The following MCM9 variants were observed in gnomAD, a reference collection of about 807,000 sequenced individuals.
MCM9 encodes minichromosome maintenance 9 homologous recombination repair factor.
Under a neutral mutation model 72.8 loss-of-function variants are expected in MCM9, and 55 were observed. The ratio of observed to expected loss-of-function variants is 0.76; its 90% CI spans 0.61 to 0.95. The LOEUF is 0.95. Ranked by LOEUF, MCM9 falls within the 40% of genes least tolerant of loss-of-function variation. The pLI is 0.00. For synonymous variants in MCM9, 480 were observed against 503.4 expected (o/e 0.95, Z 0.62); for missense variants, 1,279 against 1,377.0 (o/e 0.93, Z 1.13).
chr6:118,872,790 T>A (rs889487185), intron 8 of MCM9, among the ~76,000 whole-genome samples: 5 of 151,948 alleles, frequency 3.3e-5, no homozygotes, highest in African/African-American at 4.8e-5. Context: ...TAATCTAAGT[T>A]CTCATCTTAG....
chr6:118,823,098 C>G (rs1238837616), intron 13 of MCM9, among the ~76,000 whole-genome samples: 1 of 152,100 alleles, frequency 6.6e-6, no homozygotes, highest in African/African-American at 2.4e-5. Context: ...CATCAGCCCC[C>G]TTTCCAGGGG....
intron 8 of MCM9, among the ~76,000 whole-genome samples, chr6:118,865,253 G>A (rs1278538884): frequency 6.6e-6 from 1 of 152,014 alleles, no homozygotes; most frequent in African/African-American, 2.4e-5. Flanking sequence ...GCATTTCAGG[G>A]ACGTCATACC....
Position 118,843,644 on chromosome 6 carries a change from A to ATATATATATATATATATATACGTG in MCM9, c.1325+12726_1325+12727insCACGTATATATATATATATATATA. Among the ~76,000 whole-genome samples, 5 of 43,998 alleles carry ATATATATATATATATATATACGTG rather than the reference A, an allele frequency of 1.1e-4. 1 individual carries two copies. Among genetic ancestry groups the ATATATATATATATATATATACGTG allele is most frequent in the South Asian group, 7.1e-4 (1 of 1,404 alleles). The allele number at this position is 43,998 out of a possible 152,430, so 28.9% of individuals were successfully genotyped here. A position where few individuals can be genotyped will look rare whatever the true frequency, so the allele number is the denominator to read the frequency against. ...AAAAAAACAAAACAAAACAAAACATATATATATATATGTGTATATATATAT... is the reference window on the plus strand; with the variant it reads ...AAAAAAACAAAACAAAACAAAACATATATATATATATATATATATACGTGTATATATATATGTGTATATATATAT... On this transcript the variant is annotated intron_variant, in intron 9 of 13. Transcript: ENST00000619706.
chr6:118,842,859 C>T lies in MCM9; in HGVS notation c.1325+13512G>A, dbSNP rs985184551. On this transcript the variant is annotated intron_variant, in intron 9 of 13. Coordinates refer to ENST00000619706, the MANE Select transcript of MCM9 (RefSeq NM_017696.3). ...AAACTCACGTTGCATCATTTGCTTC[C>T]TGGTTTCATCTTACTTCTATTTCAT... Among the ~76,000 whole-genome samples the T allele has an allele frequency of 4.6e-5, 7 of 152,198 alleles. No homozygotes were observed. In the South Asian group the frequency reaches 1.4e-3, roughly 32 times the overall value.
chr6:118,889,657 C>CA (rs533926904), intron 8 of MCM9, among the ~76,000 whole-genome samples: 190 of 152,164 alleles, frequency 1.2e-3, no homozygotes, highest in Non-Finnish European at 2.4e-3. Flanking sequence ...AAGACACAGA[C>CA]AAAAAACTAG....
Position 118,913,391 on chromosome 6 carries a change from G to A in MCM9, c.934C>T (p.Pro312Ser). 1 of 1,613,870 alleles carries A rather than the reference G, an allele frequency of 6.2e-7. No individual in the cohort carries two copies. Among genetic ancestry groups the A allele is most frequent in the South Asian group, 1.1e-5 (1 of 91,068 alleles). The part of the protein sequence containing the change: ...GRNVILASLC[P>S]QVFGMYLVKL... ...ACTAGATACATTCCAAACACTTGAG[G>A]GCACAAGCTAGCCAATATTACATTC... The change falls in exon 7 of 14, where the codon CCT (proline) becomes TCT (serine). Residue 312 changes from proline (P) to serine (S), a missense_variant. Physicochemically the swap from Pro to Ser is moderately conservative, Grantham distance 74 (BLOSUM62 -1). Coordinates refer to ENST00000619706, the MANE Select transcript of MCM9 (RefSeq NM_017696.3).
chr6:118,837,250 CTT>C (rs1215242605), intron 9 of MCM9, among the ~76,000 whole-genome samples: 1 of 152,146 alleles, frequency 6.6e-6, no homozygotes, highest in Non-Finnish European at 1.5e-5. Context: ...GATTTTCACT[CTT>C]TTGCATTTGC....
intron 9 of MCM9, among the ~76,000 whole-genome samples, chr6:118,842,290 T>C (rs1248637032): frequency 6.6e-6 from 1 of 152,228 alleles, no homozygotes; most frequent in Non-Finnish European, 1.5e-5. Flanking sequence ...AATCTAGTGA[T>C]ACCCTGCTTT....
chr6:118,927,023 AG>A (rs2114414650), intron 3 of MCM9, among the ~76,000 whole-genome samples: 1 of 152,320 alleles, frequency 6.6e-6, no homozygotes, highest in African/African-American at 2.4e-5. Context: ...AAATAGGTAA[AG>A]AAAATTTGCT....
intron 8 of MCM9, among the ~76,000 whole-genome samples, chr6:118,872,305 C>A: frequency 7.5e-6 from 1 of 133,098 alleles, no homozygotes. Context: ...GGCGATGGAG[C>A]AAGACTCCAT....
intron 13 of MCM9, among the ~76,000 whole-genome samples, chr6:118,821,769 G>A (rs1276624162): frequency 6.6e-6 from 1 of 152,004 alleles, no homozygotes; most frequent in Non-Finnish European, 1.5e-5. Flanking sequence ...TCAATCTTAG[G>A]TATGGTCTTT....
At chr6:118,911,799 A>G in intron 7 of MCM9, 30 bp from the exon 8 acceptor site, 2 of 1,559,804 alleles carry the variant, frequency 1.3e-6, no homozygotes, top group Non-Finnish European at 1.8e-6. Context: ...TGAAGTTTTA[A>G]ATTTCTATAA....
chr6:118,890,936 T>C (rs971371182), intron 8 of MCM9, among the ~76,000 whole-genome samples: 3 of 152,204 alleles, frequency 2.0e-5, no homozygotes, highest in African/African-American at 7.2e-5. Context: ...AAGCTAGAGG[T>C]TAGTACTTCC....
rs1773398878 is a variant in MCM9, at chr6:118,816,218, C to A, written c.2038G>T (p.Gly680Cys). 1 of 1,550,328 alleles carries A rather than the reference C, an allele frequency of 6.5e-7. No homozygotes were observed. Among genetic ancestry groups the A allele is most frequent in the African/African-American group, 1.4e-5 (1 of 73,022 alleles). Residue 680 changes from glycine (G) to cysteine (C), a missense_variant, in exon 14 of 14, where the codon GGT (glycine) becomes TGT (cysteine). Physicochemically the swap from Gly to Cys is radical, Grantham distance 159 (BLOSUM62 -3). Transcript: ENST00000619706. ...CTGAAGTTTGATTCTTCCCCTGGAC[C>A]ATTTCTCAAGGATCCTGGAGTAGTC... Reference protein sequence around the residue: ...VETTPGSLRNGPGEESNFRTS... With the variant: ...VETTPGSLRNCPGEESNFRTS...
chr6:118,815,694 C>T lies in MCM9; in HGVS notation c.2562G>A (p.Glu854=), dbSNP rs1032475911. ...VPRNLQKLCK[E]RAQKLCRNST... ...TATTTCTGCACAACTTCTGGGCCCT[C>T]TCTTTGCACAGCTTCTGCAGGTTCC... Residue 854 remains glutamate, a synonymous_variant, in exon 14 of 14, where the codon GAG becomes GAA. Coordinates refer to ENST00000619706, the MANE Select transcript of MCM9 (RefSeq NM_017696.3). 5 of 1,548,514 alleles carry T rather than the reference C, an allele frequency of 3.2e-6. No homozygotes were observed. Among genetic ancestry groups the T allele is most frequent in the Non-Finnish European group, 1.7e-6 (2 of 1,146,654 alleles).
At chr6:118,852,187 C>T (rs1688613) in intron 9 of MCM9, among the ~76,000 whole-genome samples, 11,603 of 152,084 alleles carry the variant, frequency 0.076, 684 homozygotes, top group East Asian at 0.19. Context: ...CTAAACACAG[C>T]AAAAATAAGG....
intron 9 of MCM9, among the ~76,000 whole-genome samples, chr6:118,840,277 ATTGGGAGGTGGGGCCT>A (rs1775261511): frequency 6.6e-6 from 1 of 151,106 alleles, no homozygotes; most frequent in African/African-American, 2.4e-5. Flanking sequence ...GTGTTATGGT[ATTGGGAGGTGGGGCCT>A]TTGGGAGGTG....
chr6:118,829,036 G>A lies in MCM9; in HGVS notation c.1528+12C>T. 6.5e-7 allele frequency: 1 copy of A among 1,548,894 alleles called. No homozygotes were observed. The highest frequency in any genetic ancestry group is 8.7e-7 in the Non-Finnish European group (1 of 1,145,658). On this transcript the variant is annotated intron_variant, in intron 10 of 13. Transcript: ENST00000619706. ...CTCTGTTATTTTGAATGCTTTGTTTGTCTTCACGTACCTTTATTTTCTAAG... is the reference window on the plus strand; with the variant it reads ...CTCTGTTATTTTGAATGCTTTGTTTATCTTCACGTACCTTTATTTTCTAAG...
At chr6:118,875,742 G>A (rs1562419787) in intron 8 of MCM9, among the ~76,000 whole-genome samples, 1 of 152,136 alleles carries the variant, frequency 6.6e-6, no homozygotes, top group Non-Finnish European at 1.5e-5. Flanking sequence ...CCAAGTGATG[G>A]TGAGGATGTG....
Sources: allele counts gnomAD v4.1 joint callset (sites outside exome capture counted in the v4.1 genomes callset), GRCh38; gene constraint gnomAD v4.1.1; transcripts MANE v1.5; gene names NCBI Gene and HGNC (gene_info 2026-07-23, HGNC 2026-07-21).